KLHL4: variants seen among roughly 807,000 people sequenced by gnomAD.
KLHL4 encodes the protein kelch-like protein 4.
In KLHL4, 17 loss-of-function variants were observed where a neutral mutation model predicts 45.8. That is an observed-to-expected ratio of 0.37 (90% CI 0.25 to 0.56). The LOEUF (loss-of-function observed/expected upper bound fraction) is 0.56, where lower values mean the gene tolerates loss of function less well. KLHL4 is among the 20% of genes least tolerant of loss of function. KLHL4 has a pLI of 0.79. For missense variants in KLHL4, 544 were observed against 544.9 expected (o/e 1.00, Z 0.02); for synonymous variants, 224 against 189.9 (o/e 1.18, Z -1.47).
intron 1 of KLHL4, among the ~76,000 whole-genome samples, chrX:87,575,923 T>A (rs772019110): frequency 3.7e-4 from 42 of 112,140 alleles, no homozygotes; most frequent in African/African-American, 1.3e-3. Context: ...CTGGCAATAC[T>A]GAAAAGATAA....
At chrX:87,592,825 A>G (rs765560366) in intron 1 of KLHL4, among the ~76,000 whole-genome samples, 1 of 112,166 alleles carries the variant, frequency 8.9e-6, no homozygotes, top group South Asian at 3.7e-4. Context: ...ATTCCTTACC[A>G]TATGAATAGT....
At chrX:87,594,635 A>G (rs528277434) in intron 1 of KLHL4, among the ~76,000 whole-genome samples, 43 of 111,457 alleles carry the variant, frequency 3.9e-4, no homozygotes, top group African/African-American at 1.3e-3. Flanking sequence ...GTGATCTCCA[A>G]TCTCCATCCC....
At chrX:87,580,842 A>G (rs1047348587) in intron 1 of KLHL4, among the ~76,000 whole-genome samples, 2 of 112,155 alleles carry the variant, frequency 1.8e-5, no homozygotes, top group African/African-American at 3.2e-5. Context: ...GCACAACACT[A>G]TATAGACCAA....
intron 1 of KLHL4, among the ~76,000 whole-genome samples, chrX:87,584,730 C>A (rs1468831956): frequency 9.2e-6 from 1 of 109,031 alleles, no homozygotes; most frequent in Non-Finnish European, 1.9e-5. Flanking sequence ...CCAGAAAAAA[C>A]CCTCAAAAGG....
chrX:87,661,957 C>T (rs1924203202), intron 9 of KLHL4, among the ~76,000 whole-genome samples: 1 of 111,179 alleles, frequency 9.0e-6, no homozygotes, highest in Admixed American at 9.6e-5. Flanking sequence ...GTATCAACCG[C>T]GTAGGGTACA....
chrX:87,535,353 A>G (rs1405500460), intron 1 of KLHL4, among the ~76,000 whole-genome samples: 1 of 111,924 alleles, frequency 8.9e-6, no homozygotes, highest in Non-Finnish European at 1.9e-5. Context: ...CGATAGCTGA[A>G]GATACTAGAA....
At chrX:87,595,788 CTGG>C (rs771436732) in intron 1 of KLHL4, among the ~76,000 whole-genome samples, 2 of 111,194 alleles carry the variant, frequency 1.8e-5, no homozygotes, top group East Asian at 5.7e-4. Context: ...AATTAGATTG[CTGG>C]TGAATAATAG....
intron 1 of KLHL4, among the ~76,000 whole-genome samples, chrX:87,577,159 A>G (rs1209210438): frequency 1.8e-5 from 2 of 112,082 alleles, no homozygotes; most frequent in African/African-American, 3.2e-5. Flanking sequence ...GTATGCTAAA[A>G]TGCTAAAACT....
At chrX:87,609,453 T>G (rs10126245) in intron 1 of KLHL4, among the ~76,000 whole-genome samples, 42,061 of 110,520 alleles carry the variant, frequency 0.38, 6,151 homozygotes, top group Middle Eastern at 0.46. Context: ...ATCACCATTC[T>G]AACTGGTGTG....
At chrX:87,656,438 C>T (rs1923991112) in intron 9 of KLHL4, among the ~76,000 whole-genome samples, 1 of 108,759 alleles carries the variant, frequency 9.2e-6, no homozygotes, top group Non-Finnish European at 1.9e-5. Context: ...TGTCTTCAAG[C>T]TCTGAGATTC....
chrX:87,632,993 T>G (rs1923147338), intron 7 of KLHL4, among the ~76,000 whole-genome samples: 1 of 111,658 alleles, frequency 9.0e-6, no homozygotes, highest in African/African-American at 3.3e-5. Flanking sequence ...CCTGATAAAT[T>G]GACTCTGCCA....
intron 1 of KLHL4, among the ~76,000 whole-genome samples, chrX:87,568,378 C>CTTTTTTT (rs1932260894): frequency 1.6e-5 from 1 of 62,289 alleles, no homozygotes; most frequent in Non-Finnish European, 2.9e-5. Flanking sequence ...TTTTCTTTTT[C>CTTTTTTT]TTTTCTTTTT....
intron 1 of KLHL4, among the ~76,000 whole-genome samples, chrX:87,574,113 T>C (rs1431734475): frequency 1.8e-5 from 2 of 111,852 alleles, no homozygotes; most frequent in Non-Finnish European, 3.8e-5. Flanking sequence ...TTTGTAATAG[T>C]AGGTAGCCTA....
At chrX:87,572,221 C>A (rs779988817) in intron 1 of KLHL4, among the ~76,000 whole-genome samples, 1 of 111,018 alleles carries the variant, frequency 9.0e-6, no homozygotes, top group Admixed American at 9.6e-5. Context: ...TCACACAGTT[C>A]TAAATAAAGT....
chrX:87,531,024 T>C (rs1230157162), intron 1 of KLHL4, among the ~76,000 whole-genome samples: 1 of 112,433 alleles, frequency 8.9e-6, no homozygotes, highest in African/African-American at 3.2e-5. Flanking sequence ...ATGTCAGCGA[T>C]GGTGAGCATT....
At chrX:87,582,469 T>C (rs1921315886) in intron 1 of KLHL4, among the ~76,000 whole-genome samples, 1 of 111,514 alleles carries the variant, frequency 9.0e-6, no homozygotes, top group South Asian at 3.8e-4. Context: ...AGTCAGCTGA[T>C]GGCCGTTCAG....
In KLHL4 at chrX:87,580,259, C is replaced by CA. The variant is rs201579551; in HGVS notation, c.423-33611dup. On this transcript the variant is annotated intron_variant, in intron 1 of 10. Transcript: ENST00000373119. ...AGGAAGGAATTAATGCATATCACTA[C>CA]AAAAAAATTAGTAAAAAGGGAAAGA... Among the ~76,000 whole-genome samples the CA allele has an allele frequency of 5.8e-3, 543 of 93,457 alleles. 5 individuals are homozygous for CA. Among genetic ancestry groups the CA allele is most frequent in the Admixed American group, 0.011 (88 of 8,184 alleles). The allele number at this position is 93,457 out of a possible 115,157, so 81.2% of individuals were successfully genotyped here. A position where few individuals can be genotyped will look rare whatever the true frequency, so the allele number is the denominator to read the frequency against.
In KLHL4 at chrX:87,608,938, G is replaced by A. The variant is rs184538455; in HGVS notation, c.423-4939G>A. On this transcript the variant is annotated intron_variant, in intron 1 of 10. Coordinates refer to ENST00000373119, the MANE Select transcript of KLHL4 (RefSeq NM_019117.5). ...TCCCCCCACCCCACAACAGGCCCCG[G>A]TGTGTGATGTTCCCCTTCCTGTGTC... Among the ~76,000 whole-genome samples, 436 of 110,052 alleles carry A rather than the reference G, an allele frequency of 4.0e-3. 2 individuals are homozygous for A. The highest frequency in any genetic ancestry group is 0.013 in the African/African-American group (407 of 30,229).
At chrX:87,545,976 C>T (rs1173441184) in intron 1 of KLHL4, among the ~76,000 whole-genome samples, 7 of 111,427 alleles carry the variant, frequency 6.3e-5, no homozygotes, top group South Asian at 3.8e-4. Flanking sequence ...GATCTGAAAT[C>T]GGAACTTATG....
Sources: gnomAD v4.1 joint callset for allele counts (sites outside exome capture counted in the v4.1 genomes callset) on GRCh38, gnomAD v4.1.1 for gene constraint, MANE v1.5 for transcripts, NCBI Gene and HGNC (gene_info 2026-07-23, HGNC 2026-07-21) for gene names.